The following ARHGAP8 variants were observed in gnomAD, a reference collection of about 807,000 sequenced individuals.
ARHGAP8 encodes Rho GTPase activating protein 8, also known as rho GTPase-activating protein 8.
Under a neutral mutation model 46.1 loss-of-function variants are expected in ARHGAP8, and 62 were observed. The observed-to-expected ratio is 1.34, with a 90% confidence interval of 1.10 to 1.66. The LOEUF (loss-of-function observed/expected upper bound fraction) is 1.66. ARHGAP8 is among the 40% of genes most tolerant of loss of function. The pLI, the probability that ARHGAP8 is intolerant of heterozygous loss-of-function variation, is 0.00. For synonymous variants in ARHGAP8, 375 were observed against 243.1 expected (o/e 1.54, Z -5.05); for missense variants, 923 against 568.4 (o/e 1.62, Z -6.34).
At chr22:44,861,977 G>C (rs757109866) in intron 11 of ARHGAP8, among the ~76,000 whole-genome samples, 1 of 152,196 alleles carries the variant, frequency 6.6e-6, no homozygotes, top group Admixed American at 6.5e-5. Flanking sequence ...CCATCCCCAA[G>C]ATTGCATCTC....
intron 1 of ARHGAP8, among the ~76,000 whole-genome samples, chr22:44,783,826 C>G (rs1238687855): frequency 6.6e-6 from 1 of 152,194 alleles, no homozygotes. Flanking sequence ...TGCCCACATT[C>G]CTGGGCTCGG....
intron 1 of ARHGAP8, among the ~76,000 whole-genome samples, chr22:44,778,950 C>A (rs132485): frequency 0.88 from 133,854 of 151,832 alleles, 59,088 homozygotes; most frequent in Non-Finnish European, 0.89. Flanking sequence ...TTTCTTTCAC[C>A]CATAATGAGT....
At chr22:44,845,246 G>T (rs143782516) in intron 7 of ARHGAP8, 23 bp from the exon 8 acceptor site, 6 of 1,613,910 alleles carry the variant, frequency 3.7e-6, no homozygotes, top group Non-Finnish European at 5.1e-6. Flanking sequence ...TAAAAACTGC[G>T]ACTTTCTTTT....
At chr22:44,849,361 C>G in intron 10 of ARHGAP8, 1 of 403,708 alleles carries the variant, frequency 2.5e-6, no homozygotes, top group South Asian at 2.8e-5. Context: ...TGGGGCTCAT[C>G]ATCCTGGTCA....
At chr22:44,766,825 C>T (rs1925610617) in intron 1 of ARHGAP8, among the ~76,000 whole-genome samples, 1 of 151,776 alleles carries the variant, frequency 6.6e-6, no homozygotes, top group Admixed American at 6.6e-5. Context: ...AGCAAAACTC[C>T]TGGCCAAGGC....
At chr22:44,815,777 A>C (rs899566775) in intron 5 of ARHGAP8, among the ~76,000 whole-genome samples, 1 of 152,054 alleles carries the variant, frequency 6.6e-6, no homozygotes, top group East Asian at 1.9e-4. Context: ...CCTGGGTCGC[A>C]TGGGCATCTT....
At position 44,814,907 on chromosome 22, in the gene ARHGAP8, C is replaced by T. The variant is rs540805867; in HGVS notation, c.386+149C>T. 32 of 890,794 alleles carry T rather than the reference C, an allele frequency of 3.6e-5. 1 individual carries two copies. The highest frequency in any genetic ancestry group is 2.5e-4 in the African/African-American group (15 of 59,016). 55.2% of individuals were successfully genotyped at this position (890,794 alleles called of 1,614,324 possible). On this transcript the variant is annotated intron_variant, in intron 5 of 11. Coordinates refer to ENST00000356099, the MANE Select transcript of ARHGAP8 (RefSeq NM_181335.3). Reference sequence around the variant, plus strand: ...GGCTCCCTACCCGCCCTGGGGTCTGCGGGGGGTCACAAGGCCAGCCCAGGT... The same window carrying T: ...GGCTCCCTACCCGCCCTGGGGTCTGTGGGGGGTCACAAGGCCAGCCCAGGT...
At chr22:44,830,661 CGAGT>C (rs1930882781) in intron 7 of ARHGAP8, among the ~76,000 whole-genome samples, 1 of 152,094 alleles carries the variant, frequency 6.6e-6, no homozygotes, top group Non-Finnish European at 1.5e-5. Flanking sequence ...CTCACCCTCC[CGAGT>C]ATGTGTGACT....
intron 7 of ARHGAP8, among the ~76,000 whole-genome samples, chr22:44,842,844 C>T (rs186376326): frequency 1.5e-3 from 222 of 152,328 alleles, no homozygotes; most frequent in African/African-American, 5.2e-3. Context: ...CAAAGGCTCA[C>T]ATCACAGTCA....
intron 1 of ARHGAP8, among the ~76,000 whole-genome samples, chr22:44,754,376 C>G (rs12386315): frequency 9.0e-6 from 1 of 111,526 alleles, no homozygotes; most frequent in South Asian, 4.2e-4. Context: ...GTGTGTGTGA[C>G]GCAGTTTTCG....
chr22:44,856,409 G>C (rs2070226416), intron 10 of ARHGAP8, among the ~76,000 whole-genome samples: 1 of 151,802 alleles, frequency 6.6e-6, no homozygotes, highest in Non-Finnish European at 1.5e-5. Flanking sequence ...AAGTATCTGG[G>C]ATTACAGGCA....
At chr22:44,753,088 G>A (rs35586614) in intron 1 of ARHGAP8, among the ~76,000 whole-genome samples, 24,546 of 151,886 alleles carry the variant, frequency 0.16, 1,982 homozygotes, top group Middle Eastern at 0.18. Flanking sequence ...AACCTACAAG[G>A]TGGGTGAGGT....
chr22:44,825,423 G>A (rs576293386), intron 6 of ARHGAP8, 60 bp from the exon 7 acceptor site: 176 of 1,561,302 alleles, frequency 1.1e-4, no homozygotes, highest in Middle Eastern at 2.1e-4. Context: ...CCCACCCAGC[G>A]CCTCCGTGGC....
At chr22:44,830,962 T>C (rs1930904144) in intron 7 of ARHGAP8, among the ~76,000 whole-genome samples, 1 of 152,226 alleles carries the variant, frequency 6.6e-6, no homozygotes, top group South Asian at 2.1e-4. Flanking sequence ...GGCCATTTGT[T>C]TACCTTCTTT....
At chr22:44,759,806 T>C (rs1924987176) in intron 1 of ARHGAP8, among the ~76,000 whole-genome samples, 1 of 152,236 alleles carries the variant, frequency 6.6e-6, no homozygotes, top group Non-Finnish European at 1.5e-5. Context: ...ATATGATTAC[T>C]CTTAGCCTAA....
intron 2 of ARHGAP8, chr22:44,801,701 A>G: frequency 4.3e-6 from 1 of 233,250 alleles, no homozygotes; most frequent in South Asian, 7.3e-5. Flanking sequence ...GCCCAGAATC[A>G]TGGGGTGGGG....
chr22:44,851,077 GA>G (rs2070080356), intron 10 of ARHGAP8: 1 of 151,486 alleles, frequency 6.6e-6, no homozygotes, highest in South Asian at 2.1e-4. Context: ...TCTTTGAAAT[GA>G]AAACATTCAA....
chr22:44,756,907 C>T (rs132442), intron 1 of ARHGAP8, among the ~76,000 whole-genome samples: 60,790 of 151,724 alleles, frequency 0.4, 12,875 homozygotes, highest in South Asian at 0.62. Flanking sequence ...ATGTTTAAAA[C>T]GATTAGCAAC....
At chr22:44,860,850 C>T (rs34437635) in intron 11 of ARHGAP8, among the ~76,000 whole-genome samples, 13,873 of 152,266 alleles carry the variant, frequency 0.091, 658 homozygotes, top group Middle Eastern at 0.25. Flanking sequence ...TCCAGGCCTT[C>T]GCCCCAGGCT....
Sources: gnomAD v4.1 joint callset for allele counts (sites outside exome capture counted in the v4.1 genomes callset) on GRCh38, gnomAD v4.1.1 for gene constraint, MANE v1.5 for transcripts, NCBI Gene and HGNC (gene_info 2026-07-23, HGNC 2026-07-21) for gene names.